The following TSNAX variants were observed in gnomAD, a reference collection of about 807,000 sequenced individuals.
TSNAX encodes the protein translin-associated protein X.
TSNAX carries 12 observed loss-of-function variants against 33.0 expected under a neutral mutation model. The observed-to-expected ratio is 0.36, with a 90% confidence interval of 0.23 to 0.59. The LOEUF (loss-of-function observed/expected upper bound fraction) is 0.59. TSNAX is among the 20% of genes least tolerant of loss of function. The pLI is 0.74. For synonymous variants in TSNAX, 110 were observed against 117.2 expected (o/e 0.94, Z 0.40); for missense variants, 267 against 341.3 (o/e 0.78, Z 1.72).
At chr1:231,540,358 G>C (rs1239720921) in intron 3 of TSNAX, among the ~76,000 whole-genome samples, 1 of 152,042 alleles carries the variant, frequency 6.6e-6, no homozygotes, top group Non-Finnish European at 1.5e-5. Context: ...TTTCCTCTAA[G>C]TTTTGAAATT....
chr1:231,544,874 T>C (rs1659803087), intron 4 of TSNAX, among the ~76,000 whole-genome samples: 1 of 152,226 alleles, frequency 6.6e-6, no homozygotes, highest in Non-Finnish European at 1.5e-5. Flanking sequence ...ATGGGAATGA[T>C]AGATCTTCAG....
intron 2 of TSNAX, among the ~76,000 whole-genome samples, chr1:231,530,366 T>C (rs1005451929): frequency 2.7e-4 from 41 of 152,166 alleles, no homozygotes; most frequent in African/African-American, 8.0e-4. Context: ...TTAAGACAGC[T>C]GGCCGTAATT....
intron 3 of TSNAX, among the ~76,000 whole-genome samples, chr1:231,541,077 C>T (rs2124900642): frequency 6.6e-6 from 1 of 152,144 alleles, no homozygotes; most frequent in Admixed American, 6.5e-5. Flanking sequence ...GTGTTTAGAC[C>T]GTTTACATTT....
intron 2 of TSNAX, among the ~76,000 whole-genome samples, chr1:231,533,936 A>G (rs1456448414): frequency 6.6e-6 from 1 of 152,366 alleles, no homozygotes; most frequent in Non-Finnish European, 1.5e-5. Context: ...TTTAATCTAC[A>G]GTGCATATTT....
chr1:231,537,362 A>T, intron 3 of TSNAX, 35 bp downstream of exon 3: 1 of 1,336,556 alleles, frequency 7.5e-7, no homozygotes, highest in Non-Finnish European at 1.1e-6. Context: ...TTACAGTTTG[A>T]TACTAGCTAT....
At chr1:231,560,268 C>T (rs35351730) in intron 4 of TSNAX, among the ~76,000 whole-genome samples, 1 of 151,868 alleles carries the variant, frequency 6.6e-6, no homozygotes, top group Admixed American at 6.6e-5. Context: ...CGTGAGCCAT[C>T]GTGAACGGCC....
intron 5 of TSNAX, among the ~76,000 whole-genome samples, chr1:231,562,235 C>A (rs969113409): frequency 6.8e-6 from 1 of 147,498 alleles, no homozygotes; most frequent in African/African-American, 2.5e-5. Context: ...TAAAAATTTT[C>A]TTTATTTTTT....
At position 231,540,173 on chromosome 1, in the gene TSNAX, C is replaced by CAAA. The variant is rs10714707; in HGVS notation, c.237-2285_237-2283dup. ...TGGGTGACAGAATAGGACTCTGTCT[C>CAAA]AAAAAAAAAAAAAAAAAAAAAAAAA... On this transcript the variant is annotated intron_variant, in intron 3 of 5. Transcript: ENST00000366639. Among the ~76,000 whole-genome samples, 219 of 70,290 alleles carry CAAA rather than the reference C, an allele frequency of 3.1e-3. 2 individuals carry two copies. Among genetic ancestry groups the CAAA allele is most frequent in the African/African-American group, 6.9e-3 (153 of 22,290 alleles). The allele number at this position is 70,290 out of a possible 152,430, so 46.1% of individuals were successfully genotyped here. A position where few individuals can be genotyped will look rare whatever the true frequency, so the allele number is the denominator to read the frequency against.
At chr1:231,549,810 G>A (rs1558130157) in intron 4 of TSNAX, among the ~76,000 whole-genome samples, 2 of 152,148 alleles carry the variant, frequency 1.3e-5, no homozygotes, top group South Asian at 4.1e-4. Context: ...GAAGCCAAAG[G>A]TGCACCGATT....
At chr1:231,544,116 C>T (rs772778913) in intron 4 of TSNAX, among the ~76,000 whole-genome samples, 1 of 152,116 alleles carries the variant, frequency 6.6e-6, no homozygotes, top group African/African-American at 2.4e-5. Flanking sequence ...GTTAGGTATG[C>T]GTGTGTAATC....
intron 4 of TSNAX, 39 bp downstream of exon 4, chr1:231,542,650 A>C: frequency 6.3e-7 from 1 of 1,589,312 alleles, no homozygotes; most frequent in Non-Finnish European, 8.6e-7. Context: ...TATATTTTAA[A>C]TGGTGTGCTA....
chr1:231,551,718 A>T (rs951273780), intron 4 of TSNAX, among the ~76,000 whole-genome samples: 1 of 151,750 alleles, frequency 6.6e-6, no homozygotes, highest in South Asian at 2.1e-4. Flanking sequence ...CTGTAATCCC[A>T]GCACTTTGGG....
intron 5 of TSNAX, 71 bp downstream of exon 5, chr1:231,561,326 A>G (rs1661101968): frequency 8.2e-7 from 1 of 1,221,404 alleles, no homozygotes; most frequent in Non-Finnish European, 1.1e-6. Flanking sequence ...TAGTAGATTT[A>G]CTGGCTTATG....
intron 2 of TSNAX, chr1:231,535,655 T>C (rs1659115354): frequency 6.6e-6 from 1 of 152,152 alleles, no homozygotes; most frequent in Non-Finnish European, 1.5e-5. Context: ...TTATATGTAA[T>C]AGATAGAAAC....
At chr1:231,538,181 A>G (rs1456593161) in intron 3 of TSNAX, among the ~76,000 whole-genome samples, 2 of 151,564 alleles carry the variant, frequency 1.3e-5, no homozygotes. Context: ...TTACTATTTT[A>G]TTTTTCTACG....
intron 2 of TSNAX, among the ~76,000 whole-genome samples, chr1:231,533,860 G>A (rs996915662): frequency 6.6e-6 from 1 of 152,150 alleles, no homozygotes; most frequent in South Asian, 2.1e-4. Context: ...CTAGGAAGAA[G>A]ACTATTCTGT....
chr1:231,544,634 C>T (rs1417045500), intron 4 of TSNAX, among the ~76,000 whole-genome samples: 3 of 152,210 alleles, frequency 2.0e-5, no homozygotes, highest in African/African-American at 7.2e-5. Context: ...GTATTTGGCC[C>T]AGTAGTTCTA....
At chr1:231,556,784 CA>C (rs1248713302) in intron 4 of TSNAX, among the ~76,000 whole-genome samples, 1 of 152,186 alleles carries the variant, frequency 6.6e-6, no homozygotes, top group Non-Finnish European at 1.5e-5. Flanking sequence ...GCTCAACATG[CA>C]TACAGATATA....
intron 3 of TSNAX, among the ~76,000 whole-genome samples, 192 bp downstream of exon 3, chr1:231,537,519 T>C (rs1411654236): frequency 1.3e-5 from 2 of 152,068 alleles, no homozygotes; most frequent in African/African-American, 4.8e-5. Flanking sequence ...GGCGGGCAGA[T>C]CACTTGAGCT....
Sources: allele counts gnomAD v4.1 joint callset (sites outside exome capture counted in the v4.1 genomes callset), GRCh38; gene constraint gnomAD v4.1.1; transcripts MANE v1.5; gene names NCBI Gene and HGNC (gene_info 2026-07-23, HGNC 2026-07-21).